Variants in MRPS28 observed in about 807,000 individuals in gnomAD.
MRPS28 encodes mitochondrial ribosomal protein S28.
In MRPS28, 7 loss-of-function variants were observed where a neutral mutation model predicts 10.8. The ratio of observed to expected loss-of-function variants is 0.65; its 90% CI spans 0.37 to 1.22. The LOEUF (loss-of-function observed/expected upper bound fraction) is 1.22. MRPS28 is among the 50% of genes most tolerant of loss of function. MRPS28 has a pLI of 0.02. For missense variants in MRPS28, 265 were observed against 232.9 expected, an observed-to-expected ratio of 1.14 and a Z score of -0.90; for synonymous variants, 121 against 93.3, an observed-to-expected ratio of 1.30 and a Z score of -1.71.
In MRPS28 at chr8:79,961,244, G is replaced by A. The variant is rs922620063; in HGVS notation, c.395+41755C>T. Among the ~76,000 whole-genome samples, 19 of 152,036 alleles carry A rather than the reference G, an allele frequency of 1.2e-4. No homozygotes were observed. The South Asian group carries it at 2.1e-3, about 17-fold the overall frequency. On this transcript the variant is annotated intron_variant, in intron 2 of 2. Coordinates refer to ENST00000276585, the MANE Select transcript of MRPS28 (RefSeq NM_014018.3). ...ATCTAAATTGGAATTCAGGAGAAAT[G>A]CAGGAAATTGATTAGTCAGGCTAAT...
chr8:79,993,977 CT>C (rs1424317709), intron 2 of MRPS28, among the ~76,000 whole-genome samples: 1 of 152,156 alleles, frequency 6.6e-6, no homozygotes, highest in Admixed American at 6.5e-5. Flanking sequence ...TGCCAGTTAC[CT>C]TAGAGCTGCC....
intron 2 of MRPS28, among the ~76,000 whole-genome samples, chr8:79,954,780 G>T (rs183985608): frequency 5.1e-4 from 78 of 152,250 alleles, no homozygotes; most frequent in Middle Eastern, 6.8e-3. Context: ...AAATCTTGTT[G>T]AAATAAACCC....
chr8:79,974,030 C>T (rs1460385226), intron 2 of MRPS28, among the ~76,000 whole-genome samples: 1 of 152,046 alleles, frequency 6.6e-6, no homozygotes, highest in African/African-American at 2.4e-5. Context: ...CAGGCATGAG[C>T]CACTGCACCT....
chr8:79,928,444 T>C (rs1432964462), intron 2 of MRPS28, among the ~76,000 whole-genome samples: 2 of 151,830 alleles, frequency 1.3e-5, no homozygotes, highest in African/African-American at 4.8e-5. Flanking sequence ...TTGGAGTATA[T>C]ATATATATAT....
At chr8:80,027,298 A>C (rs1256144580) in intron 1 of MRPS28, among the ~76,000 whole-genome samples, 1 of 152,196 alleles carries the variant, frequency 6.6e-6, no homozygotes, top group African/African-American at 2.4e-5. Context: ...CTTCCCAGTA[A>C]CTCCAGTTGA....
chr8:79,983,241 C>T (rs1168210695), intron 2 of MRPS28, among the ~76,000 whole-genome samples: 1 of 152,076 alleles, frequency 6.6e-6, no homozygotes, highest in Non-Finnish European at 1.5e-5. Context: ...AACTAACAAA[C>T]AGAAAGGACA....
intron 2 of MRPS28, among the ~76,000 whole-genome samples, chr8:79,959,403 A>T (rs893593897): frequency 6.6e-6 from 1 of 152,136 alleles, no homozygotes; most frequent in South Asian, 2.1e-4. Context: ...TGGCTTTTCT[A>T]ACTGAAAAGA....
chr8:80,030,062 G>GGGGCTCC lies in MRPS28; in HGVS notation c.186_187insGGAGCCC (p.Leu63GlyfsTer38), dbSNP rs1809614750. 1.2e-6 allele frequency: 2 copies of GGGGCTCC among 1,613,470 alleles called. No individual in the cohort carries two copies. Among genetic ancestry groups the GGGGCTCC allele is most frequent in the African/African-American group, 2.7e-5 (2 of 74,914 alleles). ...TTCTGTAGGGGCTCCACCTTCTGTAGAAGCTCCGAGTGCCGCTCCAACGCG... is the reference window on the plus strand; with the variant it reads ...TTCTGTAGGGGCTCCACCTTCTGTAGGGGCTCCAAGCTCCGAGTGCCGCTCCAACGCG... On this transcript the variant is annotated frameshift_variant, in exon 1 of 3. Transcript: ENST00000276585. LOFTEE classifies it high-confidence loss of function.
chr8:79,957,667 C>G (rs1278066729), intron 2 of MRPS28: 4 of 151,872 alleles, frequency 2.6e-5, no homozygotes, highest in African/African-American at 9.7e-5. Context: ...TATAGTGAGC[C>G]ATGATTGTGC....
chr8:80,026,394 C>T (rs905407951), intron 1 of MRPS28, among the ~76,000 whole-genome samples: 2 of 152,226 alleles, frequency 1.3e-5, no homozygotes, highest in African/African-American at 4.8e-5. Flanking sequence ...TGGACAGGCA[C>T]ATTCAACTGA....
At chr8:79,955,075 T>C (rs1213140021) in intron 2 of MRPS28, among the ~76,000 whole-genome samples, 1 of 152,232 alleles carries the variant, frequency 6.6e-6, no homozygotes, top group African/African-American at 2.4e-5. Context: ...CACCCTTAAG[T>C]TCTTTTTGTC....
chr8:79,959,949 G>A (rs978252751), intron 2 of MRPS28, among the ~76,000 whole-genome samples: 6 of 152,140 alleles, frequency 3.9e-5, no homozygotes, highest in Admixed American at 1.3e-4. Context: ...TGATTTAAAC[G>A]TCTCAACACT....
At chr8:79,936,827 A>G (rs1203927728) in intron 2 of MRPS28, among the ~76,000 whole-genome samples, 1 of 152,062 alleles carries the variant, frequency 6.6e-6, no homozygotes, top group East Asian at 1.9e-4. Context: ...ATATTTCTCT[A>G]TTTTTTAATA....
intron 2 of MRPS28, among the ~76,000 whole-genome samples, chr8:79,985,378 G>T (rs1246915690): frequency 6.6e-6 from 1 of 152,078 alleles, no homozygotes; most frequent in Non-Finnish European, 1.5e-5. Flanking sequence ...AAAAAAGCAA[G>T]AGCAAACACA....
At chr8:79,997,485 G>C (rs1214164472) in intron 2 of MRPS28, among the ~76,000 whole-genome samples, 1 of 152,032 alleles carries the variant, frequency 6.6e-6, no homozygotes, top group South Asian at 2.1e-4. Context: ...AAGACAATTG[G>C]AAAGCAATAC....
At chr8:79,977,612 T>C (rs1201345169) in intron 2 of MRPS28, among the ~76,000 whole-genome samples, 1 of 151,904 alleles carries the variant, frequency 6.6e-6, no homozygotes, top group Admixed American at 6.6e-5. Flanking sequence ...AGACCAGGAG[T>C]TCGAGACCTG....
intron 2 of MRPS28, among the ~76,000 whole-genome samples, chr8:79,979,915 CAAAAAAAAAAAAAA>C (rs61633169): frequency 8.0e-4 from 25 of 31,360 alleles, no homozygotes; most frequent in Admixed American, 2.4e-3. Context: ...GATTCTCACG[CAAAAAAAAAAAAAA>C]AAAAAAAAAA....
Position 80,017,536 on chromosome 8 carries a change from C to T in MRPS28, c.213+12500G>A, listed in dbSNP as rs138149295. On this transcript the variant is annotated intron_variant, in intron 1 of 2. Transcript: ENST00000276585. ...TTAATTCCTTGAAAGACAAAGTCTG[C>T]CAAAATTCAAGTAAGAAGAACAGAT... Among the ~76,000 whole-genome samples, 16 of 152,168 alleles carry T rather than the reference C, an allele frequency of 1.1e-4. No individual in the cohort carries two copies. In the East Asian group the frequency reaches 3.1e-3, roughly 29 times the overall value.
At chr8:79,934,773 A>G (rs1188764215) in intron 2 of MRPS28, among the ~76,000 whole-genome samples, 1 of 152,248 alleles carries the variant, frequency 6.6e-6, no homozygotes, top group Non-Finnish European at 1.5e-5. Context: ...TCTAGTTTGT[A>G]ACAAAACTTT....
Sources: gnomAD v4.1 joint callset for allele counts (sites outside exome capture counted in the v4.1 genomes callset) on GRCh38, gnomAD v4.1.1 for gene constraint, MANE v1.5 for transcripts, NCBI Gene and HGNC (gene_info 2026-07-23, HGNC 2026-07-21) for gene names.